The following KHDRBS3 variants were observed in gnomAD, a reference collection of about 807,000 sequenced individuals.
KHDRBS3 encodes KH RNA binding domain containing, signal transduction associated 3.
In KHDRBS3, 23 loss-of-function variants were observed where a neutral mutation model predicts 45.6. The ratio of observed to expected loss-of-function variants is 0.50; its 90% CI spans 0.36 to 0.72. The LOEUF is 0.72. Among genes scored for constraint, KHDRBS3 ranks in the 30% least tolerant of loss-of-function variants. The pLI, the probability that KHDRBS3 is intolerant of heterozygous loss-of-function variation, is 0.00. For synonymous variants in KHDRBS3, 162 were observed against 156.5 expected (o/e 1.04, Z -0.26); for missense variants, 352 against 424.8 (o/e 0.83, Z 1.51).
At chr8:135,578,162 A>G (rs1228196422) in intron 5 of KHDRBS3, among the ~76,000 whole-genome samples, 1 of 152,122 alleles carries the variant, frequency 6.6e-6, no homozygotes, top group Non-Finnish European at 1.5e-5. Context: ...TGTTTCCCAA[A>G]TATTTTCTTC....
In KHDRBS3 at chr8:135,607,259, A is replaced by C. The variant is rs145243043; in HGVS notation, c.890+222A>C. Among the ~76,000 whole-genome samples the C allele has an allele frequency of 6.9e-3, 1,049 of 152,358 alleles. 7 individuals are homozygous for C. Among genetic ancestry groups the C allele is most frequent in the African/African-American group, 0.024 (1,004 of 41,582 alleles). ...AGAAATCAGGGAAATAAAAACTGAA[A>C]TTTTAGTCTAAAAATTCAACTTAAA... On this transcript the variant is annotated intron_variant, in intron 7 of 8. Transcript: ENST00000355849.
chr8:135,586,615 A>G (rs1177122273), intron 6 of KHDRBS3, among the ~76,000 whole-genome samples: 1 of 152,194 alleles, frequency 6.6e-6, no homozygotes, highest in African/African-American at 2.4e-5. Flanking sequence ...AATAAGAATA[A>G]CACTTTCATT....
At chr8:135,548,673 G>A in intron 3 of KHDRBS3, 81 bp from the exon 4 acceptor site, 1 of 1,164,454 alleles carries the variant, frequency 8.6e-7, no homozygotes, top group Non-Finnish European at 1.1e-6. Flanking sequence ...TTGGGGGTTA[G>A]TTTTTATTTA....
At chr8:135,575,580 T>C (rs1025195546) in intron 5 of KHDRBS3, among the ~76,000 whole-genome samples, 5 of 152,208 alleles carry the variant, frequency 3.3e-5, no homozygotes, top group Non-Finnish European at 5.9e-5. Flanking sequence ...CAGTCAGTGC[T>C]AATTAATATC....
chr8:135,571,189 A>G (rs944736569), intron 5 of KHDRBS3, among the ~76,000 whole-genome samples: 5 of 152,180 alleles, frequency 3.3e-5, no homozygotes, highest in Admixed American at 6.5e-5. Context: ...GACATCACCA[A>G]CGGGAGGAAG....
chr8:135,604,718 A>G (rs1483769168), intron 6 of KHDRBS3, among the ~76,000 whole-genome samples: 2 of 151,846 alleles, frequency 1.3e-5, no homozygotes, highest in Non-Finnish European at 2.9e-5. Context: ...TAGATTTATA[A>G]TTATTTCTTT....
At chr8:135,510,596 G>T (rs200273180) in intron 1 of KHDRBS3, among the ~76,000 whole-genome samples, 3 of 152,082 alleles carry the variant, frequency 2.0e-5, no homozygotes, top group African/African-American at 7.2e-5. Context: ...CACCATGCCC[G>T]GCTAATTTTT....
At chr8:135,594,906 T>C (rs931151244) in intron 6 of KHDRBS3, among the ~76,000 whole-genome samples, 1 of 152,146 alleles carries the variant, frequency 6.6e-6, no homozygotes, top group Non-Finnish European at 1.5e-5. Flanking sequence ...GATGCACACT[T>C]AGATGCACTG....
chr8:135,614,227 T>G (rs1169614248), intron 7 of KHDRBS3, among the ~76,000 whole-genome samples: 4 of 151,834 alleles, frequency 2.6e-5, no homozygotes, highest in African/African-American at 9.7e-5. Context: ...AAAATAGATG[T>G]TGATTACTTC....
rs1267825768 is a variant in KHDRBS3, at chr8:135,505,383, C to T, written c.89-15854C>T. On this transcript the variant is annotated intron_variant, in intron 1 of 8. Coordinates refer to ENST00000355849, the MANE Select transcript of KHDRBS3 (RefSeq NM_006558.3). ...CCACTTCCCTGCCCTGCTTGTGGTC[C>T]CTTGGGACCCTTGAGAGCTCTCCTT... is the stretch of plus-strand genomic sequence containing the variant. Among the ~76,000 whole-genome samples the T allele has an allele frequency of 1.1e-4, 17 of 152,196 alleles. No homozygotes were observed. The East Asian group carries it at 2.7e-3, about 24-fold the overall frequency.
intron 6 of KHDRBS3, among the ~76,000 whole-genome samples, chr8:135,586,442 T>C (rs899792806): frequency 5.3e-5 from 8 of 152,176 alleles, no homozygotes; most frequent in African/African-American, 1.9e-4. Flanking sequence ...TAAAAGGGAT[T>C]ATAGGACACT....
intron 4 of KHDRBS3, among the ~76,000 whole-genome samples, chr8:135,556,875 C>T (rs1826912873): frequency 6.6e-6 from 1 of 152,102 alleles, no homozygotes; most frequent in Non-Finnish European, 1.5e-5. Flanking sequence ...AGCAAATTTT[C>T]AGGAATAAGA....
At chr8:135,524,289 A>T (rs1825066270) in intron 2 of KHDRBS3, among the ~76,000 whole-genome samples, 1 of 152,182 alleles carries the variant, frequency 6.6e-6, no homozygotes, top group Non-Finnish European at 1.5e-5. Context: ...GGCAGAAGCC[A>T]CCACTCCCAG....
chr8:135,637,008 A>G (rs1182733082), intron 7 of KHDRBS3, among the ~76,000 whole-genome samples: 1 of 152,232 alleles, frequency 6.6e-6, no homozygotes, highest in Non-Finnish European at 1.5e-5. Flanking sequence ...ACAAGGACCA[A>G]GGAAAAGCCA....
At chr8:135,594,337 A>G (rs1213366714) in intron 6 of KHDRBS3, among the ~76,000 whole-genome samples, 2 of 152,184 alleles carry the variant, frequency 1.3e-5, no homozygotes, top group Non-Finnish European at 2.9e-5. Context: ...CCTCAATTTT[A>G]TAGGGCCAGA....
chr8:135,479,802 A>G lies in KHDRBS3; in HGVS notation c.88+21848A>G, dbSNP rs576533011. On this transcript the variant is annotated intron_variant, in intron 1 of 8. Transcript: ENST00000355849. ...AACTTTTAGACCATAGAAGCTTCCC[A>G]ACTCATTCTTTGAGGCCATTATAAC... Among the ~76,000 whole-genome samples, 4 of 152,330 alleles carry G rather than the reference A, an allele frequency of 2.6e-5. No individual in the cohort carries two copies. In the East Asian group the frequency reaches 7.7e-4, roughly 29 times the overall value.
chr8:135,644,713 C>A (rs1344489197), intron 7 of KHDRBS3, among the ~76,000 whole-genome samples: 1 of 152,230 alleles, frequency 6.6e-6, no homozygotes, highest in Non-Finnish European at 1.5e-5. Flanking sequence ...ATTGTCCACA[C>A]ACATCCTCCC....
chr8:135,638,967 CAAA>C (rs35677198), intron 7 of KHDRBS3, among the ~76,000 whole-genome samples: 12 of 92,286 alleles, frequency 1.3e-4, no homozygotes, highest in Non-Finnish European at 1.3e-4. Flanking sequence ...GACTCCGTCT[CAAA>C]AAAAAAAAAA....
chr8:135,628,021 G>T (rs1830448158), intron 7 of KHDRBS3, among the ~76,000 whole-genome samples: 3 of 152,156 alleles, frequency 2.0e-5, no homozygotes, highest in Admixed American at 2.0e-4. Flanking sequence ...CTGATTAGCT[G>T]CTTTCTTATT....
Sources: allele counts gnomAD v4.1 joint callset (sites outside exome capture counted in the v4.1 genomes callset), GRCh38; gene constraint gnomAD v4.1.1; transcripts MANE v1.5; gene names NCBI Gene and HGNC (gene_info 2026-07-23, HGNC 2026-07-21).